ANKS1A: variants seen among roughly 807,000 people sequenced by gnomAD.
ANKS1A encodes the protein ankyrin repeat and SAM domain-containing protein 1A.
Under a neutral mutation model 120.3 loss-of-function variants are expected in ANKS1A, and 55 were observed. The ratio of observed to expected loss-of-function variants is 0.46; its 90% CI spans 0.37 to 0.57. The LOEUF (loss-of-function observed/expected upper bound fraction) is 0.57, where lower values mean the gene tolerates loss of function less well. ANKS1A is among the 20% of genes least tolerant of loss of function. The pLI is 0.00. For missense variants in ANKS1A, 1,123 were observed against 1,480.3 expected (o/e 0.76, Z 3.96); for synonymous variants, 590 against 604.7 (o/e 0.98, Z 0.36).
intron 1 of ANKS1A, among the ~76,000 whole-genome samples, chr6:34,949,054 G>C (rs1262746279): frequency 1.3e-5 from 2 of 152,212 alleles, no homozygotes; most frequent in Admixed American, 6.5e-5. Context: ...ATGGTTTTAG[G>C]CATGGGGTTA....
Position 34,889,308 on chromosome 6 carries a change from T to TG in ANKS1A, c.-89dup, listed in dbSNP as rs1404831839. On this transcript the variant is annotated 5_prime_UTR_variant, in exon 1 of 24. Coordinates refer to ENST00000360359, the MANE Select transcript of ANKS1A (RefSeq NM_015245.3). The surrounding 1 kb of genome is among the most constrained non-coding windows in gnomAD (Gnocchi z 5.5). The stretch of plus-strand genomic sequence containing the variant: ...GAGGGGGTGGTGTCCCCAGCCGGTT[T>TG]GGGGGGTGCGTTGCCCGGAGACGGA... The TG allele has an allele frequency of 1.1e-4, 139 of 1,219,704 alleles. No individual in the cohort carries two copies. Among genetic ancestry groups the TG allele is most frequent in the Non-Finnish European group, 1.4e-4 (134 of 980,544 alleles). 75.6% of individuals were successfully genotyped at this position (1,219,704 alleles called of 1,614,324 possible). A position where few individuals can be genotyped will look rare whatever the true frequency, so the allele number is the denominator to read the frequency against.
chr6:35,019,621 G>C (rs546042972), intron 11 of ANKS1A, among the ~76,000 whole-genome samples: 1 of 152,164 alleles, frequency 6.6e-6, no homozygotes, highest in Non-Finnish European at 1.5e-5. Flanking sequence ...CTGGGGGAGG[G>C]GGGTGCCAGG....
At chr6:34,986,080 CAAA>C in intron 8 of ANKS1A, among the ~76,000 whole-genome samples, 1 of 152,292 alleles carries the variant, frequency 6.6e-6, no homozygotes, top group Non-Finnish European at 1.5e-5. Flanking sequence ...TACAATTGGG[CAAA>C]ATCATCTAAC....
chr6:34,977,309 G>A (rs989165262), intron 3 of ANKS1A, among the ~76,000 whole-genome samples: 3 of 152,008 alleles, frequency 2.0e-5, no homozygotes, highest in Admixed American at 6.5e-5. Flanking sequence ...GGCACATGAC[G>A]TTGGTTTGTC....
intron 11 of ANKS1A, among the ~76,000 whole-genome samples, chr6:35,031,740 C>G (rs574877241): frequency 6.6e-6 from 1 of 152,326 alleles, no homozygotes; most frequent in African/African-American, 2.4e-5. Context: ...TAAAAACATC[C>G]TTGCTTCCCT....
downstream of ANKS1A, among the ~76,000 whole-genome samples, chr6:35,093,865 C>G (rs1333710753): frequency 1.3e-5 from 2 of 152,234 alleles, no homozygotes; most frequent in Admixed American, 6.5e-5. Flanking sequence ...AGGCCAAGAC[C>G]TCTGCCCTCA....
chr6:34,910,335 C>T (rs184368683), intron 1 of ANKS1A, among the ~76,000 whole-genome samples: 201 of 152,074 alleles, frequency 1.3e-3, no homozygotes, highest in Non-Finnish European at 2.6e-3. Context: ...GAGGCTGAGG[C>T]GAGAGGATTG....
intron 23 of ANKS1A, among the ~76,000 whole-genome samples, chr6:35,088,004 A>G (rs1405964043): frequency 6.6e-6 from 1 of 152,228 alleles, no homozygotes; most frequent in Non-Finnish European, 1.5e-5. Flanking sequence ...CACACGGCGC[A>G]CCTTCTTCCC....
At chr6:34,934,438 A>T (rs1000738171) in intron 1 of ANKS1A, among the ~76,000 whole-genome samples, 1 of 152,072 alleles carries the variant, frequency 6.6e-6, no homozygotes, top group Non-Finnish European at 1.5e-5. Flanking sequence ...GTGAGCCACC[A>T]CGCCCAGCCA....
intron 1 of ANKS1A, among the ~76,000 whole-genome samples, chr6:34,927,596 C>T (rs970783724): frequency 6.6e-6 from 1 of 152,056 alleles, no homozygotes; most frequent in African/African-American, 2.4e-5. Context: ...GTCGGAAAGC[C>T]AGCCAGGAAG....
At chr6:34,998,673 C>T (rs867671247) in intron 10 of ANKS1A, among the ~76,000 whole-genome samples, 11 of 152,288 alleles carry the variant, frequency 7.2e-5, no homozygotes, top group Non-Finnish European at 1.0e-4. Flanking sequence ...CCCTCTCACA[C>T]GGACCCCCCT....
chr6:35,066,157 C>T (rs745451680), intron 13 of ANKS1A, among the ~76,000 whole-genome samples: 3 of 152,144 alleles, frequency 2.0e-5, no homozygotes, highest in African/African-American at 4.8e-5. Flanking sequence ...GCATAAACTC[C>T]GAAGAGGACA....
chr6:35,076,668 G>A (rs1481047347), intron 13 of ANKS1A, among the ~76,000 whole-genome samples: 2 of 152,046 alleles, frequency 1.3e-5, no homozygotes, highest in Non-Finnish European at 2.9e-5. Flanking sequence ...TTACCCTGTC[G>A]CCCAGGCTAG....
At chr6:34,957,158 G>C (rs143743380) in intron 1 of ANKS1A, among the ~76,000 whole-genome samples, 2 of 152,200 alleles carry the variant, frequency 1.3e-5, no homozygotes, top group East Asian at 3.9e-4. Context: ...CTTTTTGTTT[G>C]TTTTTACTCT....
rs1007219327 is a variant in ANKS1A at position 35,035,301 on chromosome 6, A to C, written c.2010+17242A>C. ...TTCTATCTAAAGAGGGCTTAAGAGC[A>C]GCCATCTGGTTGAAGTAGGGGCTGG... On this transcript the variant is annotated intron_variant, in intron 11 of 23. Coordinates refer to ENST00000360359, the MANE Select transcript of ANKS1A (RefSeq NM_015245.3). Among the ~76,000 whole-genome samples, 8 of 152,348 alleles carry C rather than the reference A, an allele frequency of 5.3e-5. No homozygotes were observed. The South Asian group carries it at 1.7e-3, about 32-fold the overall frequency.
chr6:34,908,897 AAAAG>A (rs1425158308), intron 1 of ANKS1A, among the ~76,000 whole-genome samples: 13 of 152,350 alleles, frequency 8.5e-5, no homozygotes, highest in African/African-American at 2.9e-4. Context: ...AAAGAAAAAA[AAAAG>A]AAAAATTATT....
intron 1 of ANKS1A, among the ~76,000 whole-genome samples, chr6:34,942,180 A>G (rs1253810006): frequency 1.3e-5 from 2 of 152,216 alleles, no homozygotes; most frequent in Non-Finnish European, 2.9e-5. Context: ...CGATTCCCCA[A>G]TTAAACTACT....
At chr6:34,926,872 G>A (rs1768743387) in intron 1 of ANKS1A, among the ~76,000 whole-genome samples, 2 of 152,110 alleles carry the variant, frequency 1.3e-5, no homozygotes, top group South Asian at 4.1e-4. Context: ...TCAGTAGCAT[G>A]GATGCTGGTA....
At chr6:35,021,984 TAA>T (rs35470171) in intron 11 of ANKS1A, among the ~76,000 whole-genome samples, 4 of 136,052 alleles carry the variant, frequency 2.9e-5, no homozygotes, top group Non-Finnish European at 1.6e-5. Flanking sequence ...AGACTCTGTC[TAA>T]AAAAAAAAAA....
Sources: gnomAD v4.1 joint callset for allele counts (sites outside exome capture counted in the v4.1 genomes callset) on GRCh38, gnomAD v4.1.1 for gene constraint, Gnocchi (gnomAD v3.1) non-coding constraint, MANE v1.5 for transcripts, NCBI Gene and HGNC (gene_info 2026-07-23, HGNC 2026-07-21) for gene names.